The following GPC3 variants were observed in gnomAD, a reference collection of about 807,000 sequenced individuals.
GPC3 encodes the protein glypican-3.
A neutral mutation model predicts 34.4 loss-of-function variants in GPC3; 3 were observed. The ratio of observed to expected loss-of-function variants is 0.09; its 90% confidence interval spans 0.04 to 0.23. The LOEUF (loss-of-function observed/expected upper bound fraction) is 0.23. Ranked by LOEUF, GPC3 falls within the 10% of genes least tolerant of loss-of-function variation. The pLI is 1.00. For missense variants in GPC3, 351 were observed against 445.6 expected (o/e 0.79, Z 1.91); for synonymous variants, 177 against 174.0 (o/e 1.02, Z -0.13).
At chrX:133,648,019 T>C (rs1473781326) in intron 6 of GPC3, among the ~76,000 whole-genome samples, 1 of 112,111 alleles carries the variant, frequency 8.9e-6, no homozygotes, top group Non-Finnish European at 1.9e-5. Flanking sequence ...GAGAAGCTAC[T>C]GGTCTACTGT....
chrX:133,897,645 A>C (rs1188029570), intron 2 of GPC3, among the ~76,000 whole-genome samples: 2 of 110,961 alleles, frequency 1.8e-5, no homozygotes, highest in Non-Finnish European at 3.8e-5. Context: ...GTCTCTCCAA[A>C]CATGCTCACG....
intron 2 of GPC3, among the ~76,000 whole-genome samples, chrX:133,840,360 G>GT (rs2124550654): frequency 9.0e-6 from 1 of 111,062 alleles, no homozygotes; most frequent in Admixed American, 9.6e-5. Context: ...AGGGGAGGGG[G>GT]TTTGGAAGGG....
At chrX:133,980,126 G>A (rs1428446306) in intron 1 of GPC3, among the ~76,000 whole-genome samples, 1 of 112,108 alleles carries the variant, frequency 8.9e-6, no homozygotes, top group African/African-American at 3.2e-5. Flanking sequence ...TTTATGTGCT[G>A]TAATAATTGT....
At chrX:133,826,462 G>A (rs893577487) in intron 2 of GPC3, among the ~76,000 whole-genome samples, 5 of 111,091 alleles carry the variant, frequency 4.5e-5, no homozygotes, top group Non-Finnish European at 5.7e-5. Context: ...AAGAATCAGC[G>A]AATTTGAAGA....
chrX:133,678,693 T>C (rs2070908647), intron 5 of GPC3, among the ~76,000 whole-genome samples: 1 of 111,929 alleles, frequency 8.9e-6, no homozygotes, highest in Admixed American at 9.5e-5. Flanking sequence ...CTAGATGCTA[T>C]CCACTGGGGT....
In GPC3 at chrX:133,828,089, T is replaced by C. The variant is rs756325384; in HGVS notation, c.338-73913A>G. Among the ~76,000 whole-genome samples the C allele has an allele frequency of 3.2e-4, 35 of 111,005 alleles. No individual in the cohort carries two copies. In the East Asian group the frequency reaches 8.1e-3, roughly 26 times the overall value. On this transcript the variant is annotated intron_variant, in intron 2 of 7. Transcript: ENST00000370818. The stretch of plus-strand genomic sequence containing the variant: ...AGCATTAAAAAATAACACAAAAATA[T>C]ATAGTTAAAAATGATGACAAGAAAA...
At chrX:133,772,876 CACA>C (rs1409357048) in intron 2 of GPC3, among the ~76,000 whole-genome samples, 3 of 110,831 alleles carry the variant, frequency 2.7e-5, no homozygotes, top group African/African-American at 9.8e-5. Context: ...CTCAAAGCCA[CACA>C]ACAAGTAAGT....
intron 4 of GPC3, among the ~76,000 whole-genome samples, chrX:133,698,146 A>G (rs2071133516): frequency 8.9e-6 from 1 of 112,039 alleles, no homozygotes; most frequent in East Asian, 2.8e-4. Flanking sequence ...GTGGCAAGGT[A>G]AACAGTATCA....
chrX:133,785,053 T>C (rs1375777970), intron 2 of GPC3, among the ~76,000 whole-genome samples: 1 of 111,912 alleles, frequency 8.9e-6, no homozygotes, highest in African/African-American at 3.3e-5. Context: ...CCACTTAAAA[T>C]TCAGGTCTTT....
Position 133,667,001 on chromosome X carries a change from G to A in GPC3, c.1293-5151C>T, listed in dbSNP as rs1308367025. Among the ~76,000 whole-genome samples, 24 of 111,662 alleles carry A rather than the reference G, an allele frequency of 2.1e-4. No homozygotes were observed. The Admixed American group carries it at 2.3e-3, about 11-fold the overall frequency. ...ATGACCATTTTTAATCTTTATAATAGTTTAATATATAACGAATGAGATTTT... is the reference window on the plus strand; with the variant it reads ...ATGACCATTTTTAATCTTTATAATAATTTAATATATAACGAATGAGATTTT... On this transcript the variant is annotated intron_variant, in intron 5 of 7. Coordinates refer to ENST00000370818, the MANE Select transcript of GPC3 (RefSeq NM_004484.4).
At chrX:133,980,910 TG>T (rs1456603523) in intron 1 of GPC3, among the ~76,000 whole-genome samples, 1 of 112,172 alleles carries the variant, frequency 8.9e-6, no homozygotes, top group African/African-American at 3.2e-5. Context: ...ACTCTAAAGA[TG>T]GAAGTAGCAG....
intron 2 of GPC3, among the ~76,000 whole-genome samples, chrX:133,951,913 G>A (rs143945595): frequency 2.7e-5 from 3 of 110,869 alleles, no homozygotes; most frequent in African/African-American, 6.6e-5. Flanking sequence ...CAATTCAGAG[G>A]TTAATTCTTG....
In GPC3 at chrX:133,692,473, C is replaced by G; in HGVS notation, c.1188G>C (p.Lys396Asn). 1 of 1,206,180 alleles carries G rather than the reference C, an allele frequency of 8.3e-7. No individual in the cohort carries two copies. The highest frequency in any genetic ancestry group is 1.1e-6 in the Non-Finnish European group (1 of 890,168). The change falls in exon 5 of 8, where the codon AAG becomes AAC. Residue 396 changes from lysine to asparagine, a missense_variant. Transcript: ENST00000370818. ...SRRRELIQKL[K>N]SFISFYSALP... Reference sequence around the variant, plus strand: ...AAGCACTATAGAAGCTGATGAAAGACTTCAACTTCTGAATTAGTTCCCTAA... The same window carrying G: ...AAGCACTATAGAAGCTGATGAAAGAGTTCAACTTCTGAATTAGTTCCCTAA...
chrX:133,852,985 C>CAA (rs33927142), intron 2 of GPC3, among the ~76,000 whole-genome samples: 5,036 of 41,051 alleles, frequency 0.12, 200 homozygotes, highest in Non-Finnish European at 0.17. Flanking sequence ...TTTTAAATTC[C>CAA]AAAAAAAAAA....
chrX:133,837,405 CAT>C (rs1338336134), intron 2 of GPC3, among the ~76,000 whole-genome samples: 3 of 111,984 alleles, frequency 2.7e-5, no homozygotes, highest in African/African-American at 9.7e-5. Flanking sequence ...TGACTGGACT[CAT>C]ATGAAATACA....
intron 7 of GPC3, among the ~76,000 whole-genome samples, chrX:133,561,363 T>C (rs931927753): frequency 8.9e-6 from 1 of 112,564 alleles, no homozygotes; most frequent in African/African-American, 3.2e-5. Context: ...TTCCTTCTCA[T>C]AGATGTTGTG....
intron 3 of GPC3, among the ~76,000 whole-genome samples, chrX:133,725,972 T>C (rs2071403412): frequency 8.9e-6 from 1 of 111,909 alleles, no homozygotes; most frequent in African/African-American, 3.2e-5. Flanking sequence ...GCTAGCATCA[T>C]GAAATCACAT....
chrX:133,605,624 A>C (rs2124341366), intron 6 of GPC3, among the ~76,000 whole-genome samples: 1 of 112,482 alleles, frequency 8.9e-6, no homozygotes, highest in Non-Finnish European at 1.9e-5. Flanking sequence ...AAAGGTAATA[A>C]GTTATTGGAC....
intron 7 of GPC3, among the ~76,000 whole-genome samples, chrX:133,577,689 G>A (rs1208697176): frequency 8.9e-6 from 1 of 112,212 alleles, no homozygotes; most frequent in Non-Finnish European, 1.9e-5. Flanking sequence ...GGACAGGCTT[G>A]TTTTAATTCC....
Sources: gnomAD v4.1 joint callset for allele counts (sites outside exome capture counted in the v4.1 genomes callset) on GRCh38, gnomAD v4.1.1 for gene constraint, MANE v1.5 for transcripts, NCBI Gene and HGNC (gene_info 2026-07-23, HGNC 2026-07-21) for gene names.